PCSK2: variants seen among roughly 807,000 people sequenced by gnomAD.
PCSK2 encodes proprotein convertase subtilisin/kexin type 2.
PCSK2 carries 14 observed loss-of-function variants against 69.7 expected under a neutral mutation model. The observed-to-expected ratio is 0.20, with a 90% CI of 0.13 to 0.31. The LOEUF is 0.31. Among genes scored for constraint, PCSK2 ranks in the 10% least tolerant of loss-of-function variants. The pLI is 1.00. For synonymous variants in PCSK2, 307 were observed against 320.7 expected (o/e 0.96, Z 0.46); for missense variants, 544 against 842.5 (o/e 0.65, Z 4.39).
rs1491328611 is a variant in PCSK2 at position 17,481,417 on chromosome 20, GAT to G, written c.1431-165_1431-164del. Among the ~76,000 whole-genome samples, 19 of 114,948 alleles carry G rather than the reference GAT, an allele frequency of 1.7e-4. No homozygotes were observed. In the South Asian group the frequency reaches 5.5e-3, roughly 33 times the overall value. The allele number at this position is 114,948 out of a possible 152,430, so 75.4% of individuals were successfully genotyped here. On this transcript the variant is annotated intron_variant, in intron 11 of 11. Coordinates refer to ENST00000262545, the MANE Select transcript of PCSK2 (RefSeq NM_002594.5). The stretch of plus-strand genomic sequence containing the variant: ...AAAAAAAAAAAAAAAAAAAAAAAGA[GAT>G]AAGTAACTTACTCAGGCTCACACAG...
At chr20:17,379,592 A>G (rs1375081258) in intron 5 of PCSK2, among the ~76,000 whole-genome samples, 1 of 152,214 alleles carries the variant, frequency 6.6e-6, no homozygotes, top group Non-Finnish European at 1.5e-5. Flanking sequence ...CTTGAAGACA[A>G]AGACTTGATG....
chr20:17,365,351 C>T (rs533347223), intron 4 of PCSK2, among the ~76,000 whole-genome samples: 5 of 152,204 alleles, frequency 3.3e-5, no homozygotes, highest in African/African-American at 7.2e-5. Context: ...CCTAAAGGCC[C>T]CACTTCAAAA....
Position 17,360,564 on chromosome 20 carries a change from C to A in PCSK2, c.429C>A (p.Gly143=). 1 of 1,612,474 alleles carries A rather than the reference C, an allele frequency of 6.2e-7. No individual in the cohort carries two copies. Among genetic ancestry groups the A allele is most frequent in the Non-Finnish European group, 8.5e-7 (1 of 1,179,042 alleles). Residue 143 remains glycine (G), a synonymous_variant, in exon 4 of 12, where the codon GGC becomes GGA. Transcript: ENST00000262545. ...CTGGGCAAGCTGATGGCACTCCTGG[C>A]CTTGATTTGAATGTGGCTGAAGCCT... ...INTGQADGTP[G]LDLNVAEAWE...
chr20:17,448,536 G>A (rs1438535816), intron 8 of PCSK2, among the ~76,000 whole-genome samples: 1 of 152,140 alleles, frequency 6.6e-6, no homozygotes, highest in Non-Finnish European at 1.5e-5. Context: ...TGCTCTCACT[G>A]AGCAGGGTTT....
At chr20:17,320,058 C>T (rs546895320) in intron 2 of PCSK2, among the ~76,000 whole-genome samples, 13 of 152,216 alleles carry the variant, frequency 8.5e-5, no homozygotes, top group African/African-American at 3.1e-4. Context: ...CTCAGGTGGG[C>T]AGGTAAACAA....
chr20:17,417,750 A>G (rs1057053364), intron 6 of PCSK2, among the ~76,000 whole-genome samples: 5 of 152,202 alleles, frequency 3.3e-5, no homozygotes, highest in African/African-American at 9.6e-5. Flanking sequence ...CTGGGATGAA[A>G]TGATATTATG....
intron 8 of PCSK2, among the ~76,000 whole-genome samples, chr20:17,451,513 G>A (rs1045401912): frequency 1.3e-5 from 2 of 152,104 alleles, no homozygotes; most frequent in African/African-American, 4.8e-5. Flanking sequence ...TTATCTTCAT[G>A]GTGCAACGGA....
chr20:17,378,869 A>G (rs1439229938), intron 5 of PCSK2, among the ~76,000 whole-genome samples: 1 of 152,234 alleles, frequency 6.6e-6, no homozygotes, highest in African/African-American at 2.4e-5. Flanking sequence ...AAAGATTACT[A>G]TTCTCAACTG....
chr20:17,431,387 A>G (rs1210426458), intron 7 of PCSK2, among the ~76,000 whole-genome samples: 2 of 152,200 alleles, frequency 1.3e-5, no homozygotes, highest in Non-Finnish European at 2.9e-5. Context: ...GGACACCCCC[A>G]GGCAAAAAGC....
intron 2 of PCSK2, among the ~76,000 whole-genome samples, chr20:17,295,572 T>A (rs1988867493): frequency 6.7e-6 from 1 of 149,280 alleles, no homozygotes; most frequent in Non-Finnish European, 1.5e-5. Context: ...TTATTTATTA[T>A]TTATTTTAGA....
At chr20:17,413,367 C>A (rs2031922449) in intron 6 of PCSK2, among the ~76,000 whole-genome samples, 1 of 151,872 alleles carries the variant, frequency 6.6e-6, no homozygotes, top group African/African-American at 2.4e-5. Context: ...ACAAAAAAAA[C>A]ACAAGGGTTG....
rs577073274 is a variant in PCSK2, at chr20:17,288,001, G to A, written c.282+27657G>A. On this transcript the variant is annotated intron_variant, in intron 2 of 11. Coordinates refer to ENST00000262545, the MANE Select transcript of PCSK2 (RefSeq NM_002594.5). ...GTGTTTTTCCTTTCTGTCCCAGAAC[G>A]CCCTGTCTTCCTCATGCAAGGTGAT... Among the ~76,000 whole-genome samples, 6 of 152,268 alleles carry A rather than the reference G, an allele frequency of 3.9e-5. No individual in the cohort carries two copies. The South Asian group carries it at 1.2e-3, about 32-fold the overall frequency.
intron 2 of PCSK2, among the ~76,000 whole-genome samples, chr20:17,347,754 C>T (rs571505626): frequency 2.8e-5 from 4 of 144,074 alleles, no homozygotes; most frequent in African/African-American, 1.0e-4. Context: ...TCTCAATTTG[C>T]TGTGAACCTA....
At chr20:17,417,170 TA>T (rs1056066970) in intron 6 of PCSK2, among the ~76,000 whole-genome samples, 4 of 151,918 alleles carry the variant, frequency 2.6e-5, no homozygotes, top group South Asian at 2.1e-4. Flanking sequence ...ACTTAAAGTA[TA>T]AAAAAAAGAA....
rs140440728 is a variant in PCSK2 at position 17,346,196 on chromosome 20, G to T, written c.283-12131G>T. Among the ~76,000 whole-genome samples the T allele has an allele frequency of 4.7e-4, 71 of 152,278 alleles. No individual in the cohort carries two copies. In the East Asian group the frequency reaches 0.013, roughly 29 times the overall value. On this transcript the variant is annotated intron_variant, in intron 2 of 11. Coordinates refer to ENST00000262545, the MANE Select transcript of PCSK2 (RefSeq NM_002594.5). ...GAGGCTTTGCAAGAACAAAGCTTTT[G>T]GAACCTGTATTCCTGGGTGGTGCTG... is the stretch of plus-strand genomic sequence containing the variant.
At chr20:17,471,846 G>A (rs758336992) in intron 11 of PCSK2, among the ~76,000 whole-genome samples, 3 of 152,202 alleles carry the variant, frequency 2.0e-5, no homozygotes, top group Non-Finnish European at 2.9e-5. Context: ...CTCGAGGAGC[G>A]GTGGGGTACA....
Position 17,415,796 on chromosome 20 carries a change from C to G in PCSK2, c.620+6457C>G, listed in dbSNP as rs1283159785. Among the ~76,000 whole-genome samples the G allele has an allele frequency of 2.6e-5, 4 of 152,278 alleles. No individual in the cohort carries two copies. In the East Asian group the frequency reaches 7.7e-4, roughly 29 times the overall value. ...GACTTCAAACCATAATACAAGGCTA[C>G]AGTAACCAAAACAGCATGGCACTGG... is the stretch of plus-strand genomic sequence containing the variant. On this transcript the variant is annotated intron_variant, in intron 6 of 11. Coordinates refer to ENST00000262545, the MANE Select transcript of PCSK2 (RefSeq NM_002594.5).
intron 6 of PCSK2, among the ~76,000 whole-genome samples, chr20:17,418,795 G>A (rs558722564): frequency 6.6e-5 from 10 of 152,282 alleles, no homozygotes; most frequent in African/African-American, 2.4e-4. Context: ...CCCCATCTCT[G>A]TTCAGCAGAG....
intron 5 of PCSK2, among the ~76,000 whole-genome samples, chr20:17,375,510 TTAGAAC>T (rs2030898818): frequency 6.6e-6 from 1 of 152,100 alleles, no homozygotes. Context: ...GTCACATACC[TTAGAAC>T]TAGATGAATA....
Sources: gnomAD v4.1 joint callset for allele counts (sites outside exome capture counted in the v4.1 genomes callset) on GRCh38, gnomAD v4.1.1 for gene constraint, MANE v1.5 for transcripts, NCBI Gene and HGNC (gene_info 2026-07-23, HGNC 2026-07-21) for gene names.